The following CCSER1 variants were observed in gnomAD, a reference collection of about 807,000 sequenced individuals.
CCSER1 encodes coiled-coil serine rich protein 1.
In CCSER1, 41 loss-of-function variants were observed where a neutral mutation model predicts 82.0. The ratio of observed to expected loss-of-function variants is 0.50; its 90% CI spans 0.39 to 0.65. The LOEUF is 0.65. Ranked by LOEUF, CCSER1 falls within the 30% of genes least tolerant of loss-of-function variation. CCSER1 has a pLI of 0.00. For missense variants in CCSER1, 1,119 were observed against 1,064.2 expected (o/e 1.05, Z -0.72); for synonymous variants, 414 against 383.9 (o/e 1.08, Z -0.92).
chr4:91,012,813 G>A (rs1291451881), intron 9 of CCSER1, among the ~76,000 whole-genome samples: 1 of 105,590 alleles, frequency 9.5e-6, no homozygotes, highest in Non-Finnish European at 2.4e-5. Flanking sequence ...AGGGCTCTCA[G>A]CTCACCTTAG....
At chr4:91,597,682 C>T (rs1764648634) in intron 10 of CCSER1, among the ~76,000 whole-genome samples, 1 of 152,120 alleles carries the variant, frequency 6.6e-6, no homozygotes, top group Non-Finnish European at 1.5e-5. Flanking sequence ...CTGCAGCTAT[C>T]TATAGTGCTC....
intron 10 of CCSER1, chr4:91,112,915 C>T (rs183873377): frequency 1.3e-5 from 2 of 152,266 alleles, no homozygotes; most frequent in African/African-American, 4.8e-5. Context: ...CTTAACTTAC[C>T]ATTTTAGAAA....
chr4:91,532,656 C>A lies in CCSER1; in HGVS notation c.2218-65916C>A, dbSNP rs138490485. On this transcript the variant is annotated intron_variant, in intron 10 of 10. Transcript: ENST00000509176. Reference sequence around the variant, plus strand: ...TCTGTAATCCCAGCACTTTGGGAGGCAGAAGCAGAAGGATTGCCTGGGTAA... The same window carrying A: ...TCTGTAATCCCAGCACTTTGGGAGGAAGAAGCAGAAGGATTGCCTGGGTAA... Among the ~76,000 whole-genome samples, 18 of 152,096 alleles carry A rather than the reference C, an allele frequency of 1.2e-4. 1 individual carries two copies. The South Asian group carries it at 3.5e-3, about 30-fold the overall frequency.
chr4:91,339,342 C>T (rs1229353235), intron 10 of CCSER1, among the ~76,000 whole-genome samples: 1 of 151,814 alleles, frequency 6.6e-6, no homozygotes, highest in Non-Finnish European at 1.5e-5. Context: ...TTGAAAGATT[C>T]CTATATAGTT....
At chr4:90,709,176 A>G (rs1000630258) in intron 6 of CCSER1, among the ~76,000 whole-genome samples, 5 of 152,164 alleles carry the variant, frequency 3.3e-5, no homozygotes, top group Non-Finnish European at 4.4e-5. Context: ...ATGTAAGAAA[A>G]ATCCTGAGAA....
At chr4:91,347,830 A>C (rs1748162550) in intron 10 of CCSER1, among the ~76,000 whole-genome samples, 1 of 150,740 alleles carries the variant, frequency 6.6e-6, no homozygotes, top group Non-Finnish European at 1.5e-5. Context: ...ATATCCTCCA[A>C]TATTGCTGTA....
At chr4:91,529,729 AG>A (rs140636096) in intron 10 of CCSER1, among the ~76,000 whole-genome samples, 5,264 of 152,130 alleles carry the variant, frequency 0.035, 316 homozygotes, top group African/African-American at 0.12. Context: ...TTCCCTTCTC[AG>A]GAAGTCTTTG....
chr4:90,356,680 T>C (rs1744424148), intron 3 of CCSER1, among the ~76,000 whole-genome samples: 2 of 151,870 alleles, frequency 1.3e-5, no homozygotes, highest in Non-Finnish European at 3.0e-5. Context: ...TTTATTTTTG[T>C]TGCATTTTAA....
chr4:91,561,997 A>G (rs558307335), intron 10 of CCSER1, among the ~76,000 whole-genome samples: 38 of 151,588 alleles, frequency 2.5e-4, no homozygotes, highest in African/African-American at 8.9e-4. Flanking sequence ...GAGCAGTTTC[A>G]TAGTTTATTC....
chr4:90,446,956 A>G (rs935436165), intron 4 of CCSER1, among the ~76,000 whole-genome samples: 2 of 152,156 alleles, frequency 1.3e-5, no homozygotes. Context: ...CTAGCTTACT[A>G]TATTGTAAGA....
chr4:90,395,403 A>G (rs1444920706), intron 3 of CCSER1, among the ~76,000 whole-genome samples: 2 of 152,152 alleles, frequency 1.3e-5, no homozygotes, highest in African/African-American at 2.4e-5. Context: ...TACATTTTGC[A>G]GATGTAGCAT....
At chr4:90,927,195 C>T (rs1729173357) in intron 9 of CCSER1, among the ~76,000 whole-genome samples, 1 of 151,896 alleles carries the variant, frequency 6.6e-6, no homozygotes, top group South Asian at 2.1e-4. Context: ...ACTTTAAGTT[C>T]AAGTTTTCTT....
intron 5 of CCSER1, among the ~76,000 whole-genome samples, chr4:90,568,228 G>C (rs1650042735): frequency 6.6e-6 from 1 of 152,112 alleles, no homozygotes; most frequent in Non-Finnish European, 1.5e-5. Context: ...TTGGTTTTCT[G>C]TCTGGATGAT....
At chr4:91,379,163 T>A (rs887527319) in intron 10 of CCSER1, among the ~76,000 whole-genome samples, 3 of 152,236 alleles carry the variant, frequency 2.0e-5, no homozygotes, top group African/African-American at 7.2e-5. Context: ...CACGATTTTA[T>A]TGAGGATTTT....
chr4:90,779,681 T>C (rs896142130), intron 7 of CCSER1, among the ~76,000 whole-genome samples: 1 of 152,202 alleles, frequency 6.6e-6, no homozygotes, highest in African/African-American at 2.4e-5. Flanking sequence ...CATTCTTCCT[T>C]GACACTGAGC....
chr4:91,340,545 T>C (rs1747645604), intron 10 of CCSER1, among the ~76,000 whole-genome samples: 1 of 152,156 alleles, frequency 6.6e-6, no homozygotes, highest in Non-Finnish European at 1.5e-5. Flanking sequence ...TAAGTCTTAA[T>C]AGTGTCAGGA....
Position 91,601,969 on chromosome 4 carries a change from CA to C in CCSER1, c.*2916del, listed in dbSNP as rs1301222263. The C allele has an allele frequency of 6.6e-6, 1 of 152,004 alleles. No homozygotes were observed. The highest frequency in any genetic ancestry group is 1.5e-5 in the Non-Finnish European group (1 of 67,932). 9.4% of individuals were successfully genotyped at this position (152,004 alleles called of 1,614,324 possible). A position where few individuals can be genotyped will look rare whatever the true frequency, so the allele number is the denominator to read the frequency against. ...AAATTATATGCTAAGAGAGTCACCA[CA>C]AAACTATGAATTCTCTCCCGAATTA... is the stretch of plus-strand genomic sequence containing the variant. On this transcript the variant is annotated 3_prime_UTR_variant, in exon 11 of 11. Transcript: ENST00000509176.
rs1734843941 is a variant in CCSER1 at position 90,309,102 on chromosome 4, C to G, written c.818C>G (p.Ala273Gly). 1 of 1,613,856 alleles carries G rather than the reference C, an allele frequency of 6.2e-7. No homozygotes were observed. The highest frequency in any genetic ancestry group is 1.1e-5 in the South Asian group (1 of 91,080). The change falls in exon 2 of 11, where the codon GCA becomes GGA. Residue 273 changes from alanine to glycine, a missense_variant. Ala to Gly is a moderately conservative substitution (Grantham distance 60). Coordinates refer to ENST00000509176, the MANE Select transcript of CCSER1 (RefSeq NM_001145065.2). ...LTEDSVSEMD[A>G]FSKSGSMASH... ...GAAGATTCTGTGTCTGAAATGGATG[C>G]ATTTTCTAAAAGTGGAAGCATGGCA...
chr4:90,471,309 C>G (rs1250768320), intron 5 of CCSER1, among the ~76,000 whole-genome samples: 9 of 151,758 alleles, frequency 5.9e-5, no homozygotes, highest in Admixed American at 5.9e-4. Flanking sequence ...GTGGCTTGCA[C>G]CTATACTCCC....
Sources: allele counts gnomAD v4.1 joint callset (sites outside exome capture counted in the v4.1 genomes callset), GRCh38; gene constraint gnomAD v4.1.1; transcripts MANE v1.5; gene names NCBI Gene and HGNC (gene_info 2026-07-23, HGNC 2026-07-21).